Variants in CTNNA3 observed in about 807,000 individuals in gnomAD.
CTNNA3 encodes catenin alpha 3.
Under a neutral mutation model 95.7 loss-of-function variants are expected in CTNNA3, and 76 were observed. The observed-to-expected ratio is 0.79, with a 90% CI of 0.66 to 0.96. The LOEUF (loss-of-function observed/expected upper bound fraction) is 0.96, where lower values mean the gene tolerates loss of function less well. Among genes scored for constraint, CTNNA3 ranks in the 40% least tolerant of loss-of-function variants. The pLI, the probability that CTNNA3 is intolerant of heterozygous loss-of-function variation, is 0.00. For synonymous variants in CTNNA3, 431 were observed against 374.4 expected (o/e 1.15, Z -1.74); for missense variants, 1,191 against 1,089.8 (o/e 1.09, Z -1.31).
At chr10:67,440,002 C>G (rs1846441103) in intron 5 of CTNNA3, among the ~76,000 whole-genome samples, 1 of 152,098 alleles carries the variant, frequency 6.6e-6, no homozygotes, top group African/African-American at 2.4e-5. Flanking sequence ...ACCAACTCAG[C>G]CACAGTGAGG....
intron 17 of CTNNA3, among the ~76,000 whole-genome samples, chr10:65,962,351 T>A (rs956404098): frequency 2.0e-5 from 3 of 152,120 alleles, no homozygotes; most frequent in Non-Finnish European, 4.4e-5. Flanking sequence ...CACTGTTTAG[T>A]TAACGATGCC....
chr10:66,554,998 A>T (rs1210085865), intron 10 of CTNNA3, among the ~76,000 whole-genome samples: 1 of 152,118 alleles, frequency 6.6e-6, no homozygotes, highest in East Asian at 1.9e-4. Flanking sequence ...TGTAGAAATA[A>T]TTTCAGATCT....
chr10:66,644,056 G>A (rs190140475), intron 9 of CTNNA3, among the ~76,000 whole-genome samples: 5 of 151,914 alleles, frequency 3.3e-5, no homozygotes, highest in African/African-American at 4.8e-5. Context: ...CTGGGAGTTC[G>A]AGACCAGCCT....
intron 5 of CTNNA3, among the ~76,000 whole-genome samples, chr10:67,350,606 C>A (rs1346396904): frequency 1.3e-5 from 2 of 149,414 alleles, no homozygotes; most frequent in African/African-American, 2.5e-5. Flanking sequence ...AAACCCACCA[C>A]CAACAACAAA....
At chr10:66,707,393 A>G (rs1848151997) in intron 9 of CTNNA3, among the ~76,000 whole-genome samples, 2 of 151,714 alleles carry the variant, frequency 1.3e-5, no homozygotes, top group Non-Finnish European at 1.5e-5. Flanking sequence ...TAATAATTAC[A>G]TTTTAATTTT....
Position 67,559,630 on chromosome 10 carries a change from G to A in CTNNA3, c.293-19961C>T, listed in dbSNP as rs1272137301. On this transcript the variant is annotated intron_variant, in intron 3 of 17. Transcript: ENST00000433211. ...AGCTCCTCACCAGCAACGGAACGAA[G>A]CTGGACGGAGAATGACTTTGACAAG... is the stretch of plus-strand genomic sequence containing the variant. Among the ~76,000 whole-genome samples, 4 of 152,202 alleles carry A rather than the reference G, an allele frequency of 2.6e-5. No individual in the cohort carries two copies. The East Asian group carries it at 7.7e-4, about 29-fold the overall frequency.
chr10:67,338,691 T>C (rs972456108), intron 5 of CTNNA3, among the ~76,000 whole-genome samples: 4 of 152,214 alleles, frequency 2.6e-5, no homozygotes, highest in Non-Finnish European at 4.4e-5. Flanking sequence ...AAATGTCTCA[T>C]GAAGCAATTG....
At chr10:66,352,178 T>C (rs2092571463) in intron 12 of CTNNA3, among the ~76,000 whole-genome samples, 3 of 152,026 alleles carry the variant, frequency 2.0e-5, no homozygotes, top group Admixed American at 1.3e-4. Flanking sequence ...AAGGAATATT[T>C]CATTATACTT....
At chr10:67,122,505 G>A (rs1261308609) in intron 7 of CTNNA3, among the ~76,000 whole-genome samples, 2 of 152,162 alleles carry the variant, frequency 1.3e-5, no homozygotes, top group Middle Eastern at 3.4e-3. Flanking sequence ...GCATGGGGCG[G>A]GGGAAGATGT....
chr10:65,986,683 AT>A (rs2078434206), intron 16 of CTNNA3, among the ~76,000 whole-genome samples: 1 of 148,590 alleles, frequency 6.7e-6, no homozygotes, highest in Non-Finnish European at 1.5e-5. Flanking sequence ...TACCAATGAC[AT>A]TTTTTACATA....
At chr10:66,344,162 G>A (rs9732127) in intron 12 of CTNNA3, among the ~76,000 whole-genome samples, 21,139 of 148,740 alleles carry the variant, frequency 0.14, 1,711 homozygotes, top group East Asian at 0.25. Flanking sequence ...CAGAGGCAGA[G>A]GTTGTAGTGA....
chr10:66,554,847 T>C (rs1842342086), intron 10 of CTNNA3, among the ~76,000 whole-genome samples: 1 of 152,110 alleles, frequency 6.6e-6, no homozygotes, highest in Admixed American at 6.5e-5. Flanking sequence ...TTTCAGTCTC[T>C]CACTGACACT....
intron 1 of CTNNA3, among the ~76,000 whole-genome samples, chr10:67,758,323 TACACACAC>T (rs3059974): frequency 9.5e-4 from 136 of 143,414 alleles, no homozygotes; most frequent in African/African-American, 2.4e-3. Context: ...TAAATATATA[TACACACAC>T]ACACACACAC....
chr10:66,198,824 CA>C, intron 13 of CTNNA3, among the ~76,000 whole-genome samples: 1 of 152,170 alleles, frequency 6.6e-6, no homozygotes, highest in East Asian at 1.9e-4. Context: ...ATTGTAACTT[CA>C]TGATTATTGC....
chr10:67,688,756 C>A (rs1564830017), intron 1 of CTNNA3, among the ~76,000 whole-genome samples: 1 of 152,228 alleles, frequency 6.6e-6, no homozygotes, highest in East Asian at 1.9e-4. Context: ...TTTGTTTCTA[C>A]CCCTCCCCAA....
rs1435489150 is a variant in CTNNA3, at chr10:67,726,640, A to G, written c.-2+36794T>C. On this transcript the variant is annotated intron_variant, in intron 1 of 17. Coordinates refer to the CTNNA3 transcript ENST00000684154. Reference sequence around the variant, plus strand: ...TATAATATATATTATATTATATATAATATATACTATAATATATTATATATT... The same window carrying G: ...TATAATATATATTATATTATATATAGTATATACTATAATATATTATATATT... Among the ~76,000 whole-genome samples the G allele has an allele frequency of 3.6e-5, 3 of 82,638 alleles. No individual in the cohort carries two copies. In the Admixed American group the frequency reaches 6.4e-4, roughly 18 times the overall value. 54.2% of individuals were successfully genotyped at this position (82,638 alleles called of 152,430 possible).
chr10:65,974,911 T>C (rs964796397), intron 16 of CTNNA3, among the ~76,000 whole-genome samples: 1 of 152,180 alleles, frequency 6.6e-6, no homozygotes, highest in African/African-American at 2.4e-5. Context: ...AATGTTATTT[T>C]TTAAAGCTTT....
intron 7 of CTNNA3, among the ~76,000 whole-genome samples, chr10:66,908,557 G>A (rs921613311): frequency 1.3e-5 from 2 of 151,958 alleles, no homozygotes; most frequent in African/African-American, 4.8e-5. Flanking sequence ...TGGTCATGCT[G>A]AATACTACTT....
chr10:67,311,585 A>G (rs1840802289), intron 5 of CTNNA3, among the ~76,000 whole-genome samples: 1 of 152,206 alleles, frequency 6.6e-6, no homozygotes, highest in South Asian at 2.1e-4. Flanking sequence ...TCAAAACTCA[A>G]TCAACCATTA....
Sources: gnomAD v4.1 joint callset for allele counts (sites outside exome capture counted in the v4.1 genomes callset) on GRCh38, gnomAD v4.1.1 for gene constraint, MANE v1.5 for transcripts, NCBI Gene and HGNC (gene_info 2026-07-23, HGNC 2026-07-21) for gene names.